Variants in B3GALT9 observed in about 807,000 individuals in gnomAD.
B3GALT9 encodes the protein beta-1,3-galactosyltransferase 9, also known as UDP-GlcNAc:betaGal beta-1,3-N-acetylglucosaminyltransferase 10 (putative).
In B3GALT9 at chr9:120,800,762, A is replaced by T. The variant is rs910564132; in HGVS notation, c.*1084A>T. Among the ~76,000 whole-genome samples the T allele has an allele frequency of 1.3e-5, 2 of 152,178 alleles. No homozygotes were observed. The highest frequency in any genetic ancestry group is 4.1e-4 in the South Asian group (2 of 4,828). On this transcript the variant is annotated 3_prime_UTR_variant, in exon 3 of 3. Transcript: ENST00000689072. The stretch of plus-strand genomic sequence containing the variant: ...AATCTACTCTACTAACAATTATCAG[A>T]TATTGATATATTGCTGTTAATTGTC...
In B3GALT9 at chr9:120,793,685, A is replaced by G. The variant is rs2044908073; in HGVS notation, c.-419A>G. On this transcript the variant is annotated 5_prime_UTR_variant, in exon 1 of 3. Transcript: ENST00000689072. ...CAATCTGATCTTGCACCAGCTCTGC[A>G]GTAGTTTTTCTTATTATCCTCATTT... The G allele has an allele frequency of 5.0e-6, 2 of 398,606 alleles. No individual in the cohort carries two copies. The highest frequency in any genetic ancestry group is 1.3e-4 in the South Asian group (1 of 7,878). The allele number at this position is 398,606 out of a possible 1,614,324, so 24.7% of individuals were successfully genotyped here.
intron 1 of B3GALT9, among the ~76,000 whole-genome samples, chr9:120,794,672 G>A (rs962630312): frequency 6.6e-6 from 1 of 152,134 alleles, no homozygotes; most frequent in East Asian, 1.9e-4. Flanking sequence ...ACAATGCCCA[G>A]CGCACAAGTT....
At chr9:120,795,275 T>G (rs1040019434) in intron 1 of B3GALT9, among the ~76,000 whole-genome samples, 1 of 152,090 alleles carries the variant, frequency 6.6e-6, no homozygotes, top group African/African-American at 2.4e-5. Context: ...AGCACCCATA[T>G]CTCTTTGGAG....
intron 1 of B3GALT9, among the ~76,000 whole-genome samples, chr9:120,794,607 A>C (rs957265177): frequency 3.3e-5 from 5 of 151,792 alleles, no homozygotes; most frequent in Non-Finnish European, 5.9e-5. Context: ...TCCTAGGCTC[A>C]AGTGATCCAC....
Position 120,799,573 on chromosome 9 carries a change from G to A in B3GALT9, c.1005G>A (p.Glu335=). Residue 335 remains glutamate (E), a synonymous_variant, in exon 3 of 3, where the codon GAG becomes GAA. Transcript: ENST00000689072. ...INDGKECTLF[E]TSYELISCKL... ...ATGGAAAAGAATGTACACTGTTTGA[G>A]ACATCCTATGAGCTCATTTCCTGCA... The A allele has an allele frequency of 2.5e-6, 1 of 399,674 alleles. No homozygotes were observed. The highest frequency in any genetic ancestry group is 3.6e-5 in the East Asian group (1 of 28,076). The allele number at this position is 399,674 out of a possible 1,614,324, so 24.8% of individuals were successfully genotyped here. A position where few individuals can be genotyped will look rare whatever the true frequency, so the allele number is the denominator to read the frequency against.
chr9:120,797,141 A>G (rs2044944608), intron 2 of B3GALT9, among the ~76,000 whole-genome samples: 1 of 151,622 alleles, frequency 6.6e-6, no homozygotes, highest in African/African-American at 2.4e-5. Flanking sequence ...AAGAAAGAGA[A>G]AGAAAGAAAA....
Position 120,801,669 on chromosome 9 carries a change from G to C in B3GALT9, c.*1991G>C, listed in dbSNP as rs527472711. On this transcript the variant is annotated 3_prime_UTR_variant, in exon 3 of 3. Transcript: ENST00000689072. The stretch of plus-strand genomic sequence containing the variant: ...ACAGGAAAATCGCTTGAATCCAGGA[G>C]GTGGAGGTTGCAGTGAGCCGAGATC... Among the ~76,000 whole-genome samples, 1 of 152,320 alleles carries C rather than the reference G, an allele frequency of 6.6e-6. No homozygotes were observed. The highest frequency in any genetic ancestry group is 1.9e-4 in the East Asian group (1 of 5,190).
Position 120,793,509 on chromosome 9 carries a change from A to C in B3GALT9, c.-595A>C, listed in dbSNP as rs899902749. ...CCGGAGGTGGGTGGTGGGAGGCTGGAGGCCGGGAGTAGGGGTGGGGAGAAG... is the reference window on the plus strand; with the variant it reads ...CCGGAGGTGGGTGGTGGGAGGCTGGCGGCCGGGAGTAGGGGTGGGGAGAAG... On this transcript the variant is annotated 5_prime_UTR_variant, in exon 1 of 3. Coordinates refer to ENST00000689072, the MANE Select transcript of B3GALT9 (RefSeq NM_001386823.1). 3 of 399,562 alleles carry C rather than the reference A, an allele frequency of 7.5e-6. No individual in the cohort carries two copies. Among genetic ancestry groups the C allele is most frequent in the South Asian group, 1.2e-4 (1 of 8,010 alleles). The allele number at this position is 399,562 out of a possible 1,614,324, so 24.8% of individuals were successfully genotyped here.
chr9:120,797,847 C>T (rs1470609163), intron 2 of B3GALT9, among the ~76,000 whole-genome samples: 1 of 152,168 alleles, frequency 6.6e-6, no homozygotes, highest in East Asian at 1.9e-4. Flanking sequence ...TCTGCACATG[C>T]CCTTTCAGAC....
rs1376212860 is a variant in B3GALT9 at position 120,801,620 on chromosome 9, AT to A, written c.*1943del. 2.0e-5 allele frequency among the ~76,000 whole-genome samples: 3 copies of A among 152,184 alleles called. No individual in the cohort carries two copies. Among genetic ancestry groups the A allele is most frequent in the Non-Finnish European group, 4.4e-5 (3 of 68,026 alleles). ...CTGGACCCGGTGGTACGTGCCTGTA[AT>A]CCCAGCTACGCGGGAGGCTGACACA... is the stretch of plus-strand genomic sequence containing the variant. On this transcript the variant is annotated 3_prime_UTR_variant, in exon 3 of 3. Coordinates refer to ENST00000689072, the MANE Select transcript of B3GALT9 (RefSeq NM_001386823.1).
In B3GALT9 at chr9:120,798,886, T is replaced by C. The variant is rs1458478238; in HGVS notation, c.318T>C (p.Thr106=). The change falls in exon 3 of 3, where the codon ACT becomes ACC. Residue 106 remains threonine (T), a synonymous_variant. Transcript: ENST00000689072. ...CAAGACGGGACCTCATTAGGAAAAC[T>C]TGGGGCAATGTGACCAGTGTCCAAG... ...NGTRRDLIRK[T]WGNVTSVQGH... 7.5e-6 allele frequency: 3 copies of C among 399,032 alleles called. No homozygotes were observed. The highest frequency in any genetic ancestry group is 2.5e-4 in the South Asian group (2 of 7,864). 24.7% of individuals were successfully genotyped at this position (399,032 alleles called of 1,614,324 possible).
Position 120,799,290 on chromosome 9 carries a change from A to C in B3GALT9, c.722A>C (p.Tyr241Ser). 1 of 399,482 alleles carries C rather than the reference A, an allele frequency of 2.5e-6. No homozygotes were observed. The highest frequency in any genetic ancestry group is 4.4e-6 in the Non-Finnish European group (1 of 226,178). 24.7% of individuals were successfully genotyped at this position (399,482 alleles called of 1,614,324 possible). A position where few individuals can be genotyped will look rare whatever the true frequency, so the allele number is the denominator to read the frequency against. Reference protein sequence around the residue: ...SEYPEKYYPDYCSGEAFIMSQ... With the variant: ...SEYPEKYYPDSCSGEAFIMSQ... ...TACCCAGAAAAATACTACCCAGATTACTGCAGTGGTGAGGCCTTTATAATG... is the reference window on the plus strand; with the variant it reads ...TACCCAGAAAAATACTACCCAGATTCCTGCAGTGGTGAGGCCTTTATAATG... The change falls in exon 3 of 3, where the codon TAC (tyrosine) becomes TCC (serine). Residue 241 changes from tyrosine (Y) to serine (S), a missense_variant. Tyr to Ser is a moderately radical substitution (Grantham distance 144). Coordinates refer to ENST00000689072, the MANE Select transcript of B3GALT9 (RefSeq NM_001386823.1).
chr9:120,798,059 ATAG>A (rs551414285), intron 2 of B3GALT9, among the ~76,000 whole-genome samples: 120 of 152,370 alleles, frequency 7.9e-4, no homozygotes, highest in Admixed American at 2.2e-3. Context: ...TAAATATTTG[ATAG>A]TAGCCAGGGT....
intron 1 of B3GALT9, among the ~76,000 whole-genome samples, chr9:120,794,342 C>T (rs796071786): frequency 5.5e-5 from 8 of 144,998 alleles, no homozygotes; most frequent in African/African-American, 2.0e-4. Context: ...ACAAGTTATC[C>T]TTTTTTTTTT....
chr9:120,797,156 G>C (rs1304830090), intron 2 of B3GALT9, among the ~76,000 whole-genome samples: 1 of 149,146 alleles, frequency 6.7e-6, no homozygotes, highest in Non-Finnish European at 1.5e-5. Flanking sequence ...AGAAAAGAAA[G>C]AAAGAGAAAG....
chr9:120,795,114 A>G (rs1296241368), intron 1 of B3GALT9, among the ~76,000 whole-genome samples: 1 of 152,236 alleles, frequency 6.6e-6, no homozygotes, highest in Non-Finnish European at 1.5e-5. Flanking sequence ...CAAGAGAGCA[A>G]ATTTGATTTG....
intron 1 of B3GALT9, among the ~76,000 whole-genome samples, chr9:120,794,321 G>A (rs2044917252): frequency 6.6e-6 from 1 of 151,794 alleles, no homozygotes; most frequent in African/African-American, 2.4e-5. Flanking sequence ...AACCCAAACC[G>A]ACTTCAGAGC....
In B3GALT9 at chr9:120,801,586, A is replaced by G. The variant is rs2044969285; in HGVS notation, c.*1908A>G. On this transcript the variant is annotated 3_prime_UTR_variant, in exon 3 of 3. Coordinates refer to ENST00000689072, the MANE Select transcript of B3GALT9 (RefSeq NM_001386823.1). ...AAACCCCGCCTCTACTAAACATACA[A>G]AAAATTAGCTGGACCCGGTGGTACG... 6.6e-6 allele frequency among the ~76,000 whole-genome samples: 1 copy of G among 152,186 alleles called. No homozygotes were observed. Among genetic ancestry groups the G allele is most frequent in the South Asian group, 2.1e-4 (1 of 4,828 alleles).
rs1418380137 is a variant in B3GALT9 at position 120,800,099 on chromosome 9, G to A, written c.*421G>A. Among the ~76,000 whole-genome samples, 7 of 146,802 alleles carry A rather than the reference G, an allele frequency of 4.8e-5. No individual in the cohort carries two copies. The highest frequency in any genetic ancestry group is 1.8e-4 in the African/African-American group (7 of 39,592). On this transcript the variant is annotated 3_prime_UTR_variant, in exon 3 of 3. Coordinates refer to ENST00000689072, the MANE Select transcript of B3GALT9 (RefSeq NM_001386823.1). ...TGAGTAGCTGAGACTATAGGCATGT[G>A]CCACCATACCCGGCTAATTTTTTTT...
Sources: allele counts gnomAD v4.1 joint callset (sites outside exome capture counted in the v4.1 genomes callset), GRCh38; gene constraint gnomAD v4.1.1; transcripts MANE v1.5; gene names NCBI Gene and HGNC (gene_info 2026-07-23, HGNC 2026-07-21).